The following PRKCQ variants were observed in gnomAD, a reference collection of about 807,000 sequenced individuals.
PRKCQ encodes protein kinase C theta type.
A neutral mutation model predicts 91.2 loss-of-function variants in PRKCQ; 41 were observed. The ratio of observed to expected loss-of-function variants is 0.45; its 90% CI spans 0.35 to 0.58. PRKCQ has a LOEUF of 0.58. Ranked by LOEUF, PRKCQ falls within the 20% of genes least tolerant of loss-of-function variation. The pLI, the probability that PRKCQ is intolerant of heterozygous loss-of-function variation, is 0.00. For missense variants in PRKCQ, 673 were observed against 896.5 expected, an observed-to-expected ratio of 0.75 and a Z score of 3.18; for synonymous variants, 307 against 316.9, an observed-to-expected ratio of 0.97 and a Z score of 0.33.
chr10:6,552,160 AT>A (rs372001132), intron 1 of PRKCQ, among the ~76,000 whole-genome samples: 14 of 151,230 alleles, frequency 9.3e-5, no homozygotes, highest in South Asian at 4.2e-4. Context: ...TCATTTTCTA[AT>A]TTTTTTTGTG....
chr10:6,498,063 TG>T (rs1414656652), intron 5 of PRKCQ, among the ~76,000 whole-genome samples: 2 of 152,106 alleles, frequency 1.3e-5, no homozygotes, highest in African/African-American at 2.4e-5. Flanking sequence ...GGCCATTAGG[TG>T]GGGGAAGTTT....
At chr10:6,494,698 T>A (rs1214584765) in intron 7 of PRKCQ, among the ~76,000 whole-genome samples, 1 of 152,208 alleles carries the variant, frequency 6.6e-6, no homozygotes, top group Non-Finnish European at 1.5e-5. Flanking sequence ...ATCTTCTACC[T>A]AACATCTCAT....
At chr10:6,458,314 G>A (rs1052601542) in intron 14 of PRKCQ, among the ~76,000 whole-genome samples, 1 of 152,190 alleles carries the variant, frequency 6.6e-6, no homozygotes, top group African/African-American at 2.4e-5. Flanking sequence ...GGGTGAGGAA[G>A]GAGTGCCAAG....
intron 2 of PRKCQ, among the ~76,000 whole-genome samples, chr10:6,512,459 CAA>C (rs1838529518): frequency 6.6e-6 from 1 of 152,216 alleles, no homozygotes; most frequent in South Asian, 2.1e-4. Context: ...CTGTGATTGG[CAA>C]AGAGTTTACT....
the PRKCQ span, among the ~76,000 whole-genome samples, chr10:6,409,852 C>T: frequency 2.0e-5 from 3 of 152,076 alleles, no homozygotes; most frequent in African/African-American, 4.8e-5. Context: ...AAGATAAAGT[C>T]TCTGTGTTCA....
chr10:6,402,886 G>A, the PRKCQ span, among the ~76,000 whole-genome samples: 55 of 152,234 alleles, frequency 3.6e-4, no homozygotes, highest in Middle Eastern at 3.4e-3. Flanking sequence ...CTCTAGCCTG[G>A]GCAACAGAAT....
At chr10:6,513,024 GC>G in intron 2 of PRKCQ, among the ~76,000 whole-genome samples, 1 of 152,190 alleles carries the variant, frequency 6.6e-6, no homozygotes, top group Non-Finnish European at 1.5e-5. Context: ...GGAGAAAAGG[GC>G]CAAAAATACC....
chr10:6,489,010 T>C (rs1008664319), intron 8 of PRKCQ, among the ~76,000 whole-genome samples: 25 of 152,316 alleles, frequency 1.6e-4, no homozygotes, highest in African/African-American at 6.0e-4. Context: ...CTCAAACTCC[T>C]GGGCTCAAGC....
intron 2 of PRKCQ, 67 bp downstream of exon 2, chr10:6,514,951 C>A: frequency 6.2e-7 from 1 of 1,606,288 alleles, no homozygotes; most frequent in Middle Eastern, 2.3e-4. Context: ...GAAGACCTTG[C>A]TTCATACACA....
chr10:6,430,733 C>CGGTG lies in PRKCQ; in HGVS notation c.1965+73_1965+76dup. ...GGGCACCGGCAGGGGTGAGCAGCTG[C>CGGTG]GGTGACTTGGACAGGCAGACGGCCC... is the stretch of plus-strand genomic sequence containing the variant. On this transcript the variant is annotated intron_variant, in intron 17 of 17. Coordinates refer to ENST00000263125, the MANE Select transcript of PRKCQ (RefSeq NM_006257.5). This position sits in a 1 kb window ranked among gnomAD's most constrained non-coding sequence, Gnocchi z 4.7. The CGGTG allele has an allele frequency of 6.4e-7, 1 of 1,559,160 alleles. No individual in the cohort carries two copies. Among genetic ancestry groups the CGGTG allele is most frequent in the Non-Finnish European group, 8.7e-7 (1 of 1,149,350 alleles).
the PRKCQ span, among the ~76,000 whole-genome samples, chr10:6,406,553 A>C: frequency 6.6e-6 from 1 of 152,200 alleles, no homozygotes; most frequent in East Asian, 1.9e-4. Flanking sequence ...TGTTTCAATA[A>C]AGTTTTTTTG....
intron 4 of PRKCQ, among the ~76,000 whole-genome samples, chr10:6,501,509 A>C (rs1432569650): frequency 6.6e-6 from 1 of 151,952 alleles, no homozygotes; most frequent in Non-Finnish European, 1.5e-5. Context: ...CTGCATCCTA[A>C]AGTGTAGAGA....
chr10:6,527,870 T>C (rs1282246492), intron 1 of PRKCQ, among the ~76,000 whole-genome samples: 1 of 152,178 alleles, frequency 6.6e-6, no homozygotes, highest in Non-Finnish European at 1.5e-5. Flanking sequence ...CAACCTAAGC[T>C]TAACTTCTAA....
At chr10:6,477,285 A>G (rs770809688) in intron 12 of PRKCQ, among the ~76,000 whole-genome samples, 2 of 152,204 alleles carry the variant, frequency 1.3e-5, no homozygotes, top group Non-Finnish European at 2.9e-5. Flanking sequence ...CGGGAGCTGT[A>G]TTATATACTT....
chr10:6,507,183 A>G (rs1161666637), intron 4 of PRKCQ, among the ~76,000 whole-genome samples: 2 of 152,246 alleles, frequency 1.3e-5, no homozygotes, highest in Non-Finnish European at 2.9e-5. Context: ...AAGACAGAGT[A>G]TAAGAGCTTT....
intron 4 of PRKCQ, among the ~76,000 whole-genome samples, chr10:6,503,578 C>T (rs934246510): frequency 3.3e-5 from 5 of 152,108 alleles, no homozygotes; most frequent in Admixed American, 2.6e-4. Flanking sequence ...GGAGGTGAGG[C>T]TTCCATGGAA....
In PRKCQ at chr10:6,491,590, AC is replaced by A. The variant is rs1481875228; in HGVS notation, c.790+92del. 5 of 1,512,938 alleles carry A rather than the reference AC, an allele frequency of 3.3e-6. No individual in the cohort carries two copies. In the South Asian group the frequency reaches 6.3e-5, roughly 19 times the overall value. 93.7% of individuals were successfully genotyped at this position (1,512,938 alleles called of 1,614,324 possible). On this transcript the variant is annotated intron_variant, in intron 8 of 17. Transcript: ENST00000263125. ...TGTCTGGGCTGGGTGTGGAAGTGGT[AC>A]CCCCTACATCCTCCCTCCAGTTCCC...
chr10:6,442,225 A>G, intron 15 of PRKCQ, 144 bp from the exon 16 acceptor site: 1 of 784,514 alleles, frequency 1.3e-6, no homozygotes, highest in Non-Finnish European at 1.9e-6. Context: ...TCTCTTGGGA[A>G]GCCAATGACT....
chr10:6,398,808 C>T, the PRKCQ span, among the ~76,000 whole-genome samples: 1 of 152,050 alleles, frequency 6.6e-6, no homozygotes, highest in South Asian at 2.1e-4. Flanking sequence ...GGCTGGAGTG[C>T]AGTGGCGCAA....
Sources: allele counts gnomAD v4.1 joint callset (sites outside exome capture counted in the v4.1 genomes callset), GRCh38; gene constraint gnomAD v4.1.1; non-coding constraint Gnocchi (gnomAD v3.1); transcripts MANE v1.5; gene names NCBI Gene and HGNC (gene_info 2026-07-23, HGNC 2026-07-21).